The following DLG2 variants were observed in gnomAD, a reference collection of about 807,000 sequenced individuals.
DLG2 encodes discs large MAGUK scaffold protein 2, also known as disks large homolog 2.
In DLG2, 45 loss-of-function variants were observed where a neutral mutation model predicts 132.5. The ratio of observed to expected loss-of-function variants is 0.34; its 90% CI spans 0.27 to 0.44. The LOEUF is 0.44. Among genes scored for constraint, DLG2 ranks in the 20% least tolerant of loss-of-function variants. The probability of loss-of-function intolerance (pLI) is 1.00; values close to 1 mark genes in which losing one functional copy is unlikely to be tolerated. For synonymous variants in DLG2, 424 were observed against 419.6 expected, an observed-to-expected ratio of 1.01 and a Z score of -0.13; for missense variants, 1,045 against 1,196.9, an observed-to-expected ratio of 0.87 and a Z score of 1.87.
intron 3 of DLG2, among the ~76,000 whole-genome samples, chr11:85,337,175 T>A (rs1333056531): frequency 2.6e-5 from 4 of 152,254 alleles, no homozygotes; most frequent in Non-Finnish European, 5.9e-5. Flanking sequence ...AAATTCATCG[T>A]GGATCTTATT....
intron 16 of DLG2, among the ~76,000 whole-genome samples, chr11:83,853,908 A>G (rs1232930858): frequency 6.6e-6 from 1 of 152,158 alleles, no homozygotes; most frequent in East Asian, 1.9e-4. Context: ...AGGAAATTAA[A>G]AGCATACATA....
At chr11:83,890,394 T>C (rs1426431339) in intron 15 of DLG2, among the ~76,000 whole-genome samples, 1 of 152,158 alleles carries the variant, frequency 6.6e-6, no homozygotes. Flanking sequence ...ATGCTCATAA[T>C]GAACTCAGTG....
In DLG2 at chr11:84,021,258, T is replaced by C. The variant is rs368972704; in HGVS notation, c.919+38057A>G. 7.2e-5 allele frequency among the ~76,000 whole-genome samples: 11 copies of C among 152,194 alleles called. No individual in the cohort carries two copies. In the East Asian group the frequency reaches 2.1e-3, roughly 29 times the overall value. On this transcript the variant is annotated intron_variant, in intron 11 of 27. Transcript: ENST00000376104. ...AAGTAACTGAGACTCAGAATTTCTA[T>C]GTTAATGGACATGTACAAATAAGAA...
intron 11 of DLG2, among the ~76,000 whole-genome samples, chr11:84,008,121 C>G (rs2094669494): frequency 1.3e-5 from 2 of 151,808 alleles, no homozygotes; most frequent in South Asian, 2.1e-4. Context: ...ATCATCTATT[C>G]TCTTATATTT....
intron 8 of DLG2, among the ~76,000 whole-genome samples, chr11:84,219,087 G>A (rs538196246): frequency 3.0e-4 from 46 of 152,278 alleles, no homozygotes; most frequent in African/African-American, 1.0e-3. Flanking sequence ...ATGATTTACT[G>A]GTTGTCAAGA....
chr11:84,538,605 T>A lies in DLG2; in HGVS notation c.358-3874A>T, dbSNP rs1591852078. Among the ~76,000 whole-genome samples, 8 of 152,232 alleles carry A rather than the reference T, an allele frequency of 5.3e-5. No individual in the cohort carries two copies. In the South Asian group the frequency reaches 1.7e-3, roughly 32 times the overall value. On this transcript the variant is annotated intron_variant, in intron 6 of 27. Coordinates refer to ENST00000376104, the MANE Select transcript of DLG2 (RefSeq NM_001142699.3). ...GCTTCCCTTACTCCCTATGTTTTTT[T>A]TTTTTCTTGGAACTGCCCTCCATAA... is the stretch of plus-strand genomic sequence containing the variant.
chr11:84,416,347 T>C (rs2098929650), intron 7 of DLG2, among the ~76,000 whole-genome samples: 2 of 152,228 alleles, frequency 1.3e-5, no homozygotes, highest in Admixed American at 1.3e-4. Context: ...CAGAGATGTG[T>C]GCTGAGATGT....
intron 6 of DLG2, among the ~76,000 whole-genome samples, chr11:84,656,119 A>C (rs183159317): frequency 1.3e-5 from 2 of 152,204 alleles, no homozygotes; most frequent in African/African-American, 4.8e-5. Context: ...AAACCTCTGC[A>C]TGGAAAGAAA....
intron 21 of DLG2, among the ~76,000 whole-genome samples, chr11:83,504,994 A>G (rs1427477254): frequency 6.6e-6 from 1 of 150,582 alleles, no homozygotes; most frequent in Non-Finnish European, 1.5e-5. Context: ...CTTTAGCCAT[A>G]AAGTGAGTGC....
chr11:84,413,996 C>T (rs2098919583), intron 7 of DLG2, among the ~76,000 whole-genome samples: 1 of 152,030 alleles, frequency 6.6e-6, no homozygotes. Flanking sequence ...AAGGCAAAAC[C>T]CAAGCCAATT....
chr11:83,978,171 GT>G lies in DLG2; in HGVS notation c.1056+2334del, dbSNP rs761888785. Among the ~76,000 whole-genome samples, 999 of 142,468 alleles carry G rather than the reference GT, an allele frequency of 7.0e-3. 6 individuals are homozygous for G. Among genetic ancestry groups the G allele is most frequent in the African/African-American group, 0.019 (734 of 39,132 alleles). The allele number at this position is 142,468 out of a possible 152,430, so 93.5% of individuals were successfully genotyped here. A position where few individuals can be genotyped will look rare whatever the true frequency, so the allele number is the denominator to read the frequency against. Reference sequence around the variant, plus strand: ...CCTTTGACAGAATTATTTGGAGCAAGTTTTTTTTTTTTTTAAATTTGGAAAC... The same window carrying G: ...CCTTTGACAGAATTATTTGGAGCAAGTTTTTTTTTTTTTAAATTTGGAAAC... On this transcript the variant is annotated intron_variant, in intron 12 of 27. Coordinates refer to ENST00000376104, the MANE Select transcript of DLG2 (RefSeq NM_001142699.3).
chr11:85,317,164 T>C (rs1368990842), intron 3 of DLG2, among the ~76,000 whole-genome samples: 1 of 151,916 alleles, frequency 6.6e-6, no homozygotes, highest in Non-Finnish European at 1.5e-5. Context: ...ACATAATTTG[T>C]TTGAGGATCT....
chr11:85,552,805 A>G lies in DLG2; in HGVS notation c.40+45852T>C, dbSNP rs117480094. ...ATGGAGGATAGAATAAGAAACATTC[A>G]TCTATCTATTTAAATAGGAGTTCCA... On this transcript the variant is annotated intron_variant, in intron 3 of 27. Coordinates refer to ENST00000376104, the MANE Select transcript of DLG2 (RefSeq NM_001142699.3). 2.4e-3 allele frequency among the ~76,000 whole-genome samples: 360 copies of G among 151,668 alleles called. 5 individuals carry two copies. The highest frequency in any genetic ancestry group is 3.5e-3 in the Non-Finnish European group (237 of 67,708).
At chr11:83,531,907 G>A (rs1303600218) in intron 21 of DLG2, among the ~76,000 whole-genome samples, 2 of 143,510 alleles carry the variant, frequency 1.4e-5, no homozygotes, top group Non-Finnish European at 3.0e-5. Flanking sequence ...ACCACATGGT[G>A]TATAATTTCA....
chr11:84,507,504 T>C (rs1341510175), intron 7 of DLG2, among the ~76,000 whole-genome samples: 1 of 152,146 alleles, frequency 6.6e-6, no homozygotes, highest in Non-Finnish European at 1.5e-5. Context: ...TAAAACTGAG[T>C]ACTAGATGCT....
rs190049074 is a variant in DLG2, at chr11:85,351,668, A to T, written c.41-66303T>A. On this transcript the variant is annotated intron_variant, in intron 3 of 27. Coordinates refer to ENST00000376104, the MANE Select transcript of DLG2 (RefSeq NM_001142699.3). ...CTTTTCTGCATCTATTGAGATAATT[A>T]TGTGGTTTTCGTTGTTGGTTCTGTT... 1.1e-3 allele frequency among the ~76,000 whole-genome samples: 168 copies of T among 152,238 alleles called. 1 individual carries two copies. Among genetic ancestry groups the T allele is most frequent in the Non-Finnish European group, 2.0e-3 (135 of 68,020 alleles).
chr11:83,937,278 T>C (rs1268625962), intron 14 of DLG2, among the ~76,000 whole-genome samples: 2 of 151,512 alleles, frequency 1.3e-5, no homozygotes, highest in Non-Finnish European at 2.9e-5. Context: ...GAGGCCGAGG[T>C]GGGCGGATCA....
At chr11:85,274,309 A>G (rs2077744905) in intron 4 of DLG2, among the ~76,000 whole-genome samples, 1 of 152,186 alleles carries the variant, frequency 6.6e-6, no homozygotes, top group Non-Finnish European at 1.5e-5. Context: ...GGCCATTGTT[A>G]TCATAGTATT....
At chr11:84,822,162 A>C (rs2077779279) in intron 6 of DLG2, among the ~76,000 whole-genome samples, 1 of 151,878 alleles carries the variant, frequency 6.6e-6, no homozygotes, top group Admixed American at 6.6e-5. Context: ...CACAAGAGCC[A>C]CATCTAGTCT....
Sources: allele counts gnomAD v4.1 joint callset (sites outside exome capture counted in the v4.1 genomes callset), GRCh38; gene constraint gnomAD v4.1.1; transcripts MANE v1.5; gene names NCBI Gene and HGNC (gene_info 2026-07-23, HGNC 2026-07-21).